Variants in ATP2B2 observed in about 807,000 individuals in gnomAD.
ATP2B2 encodes the protein ATPase plasma membrane Ca2+ transporting 2, also known as plasma membrane calcium-transporting ATPase 2.
In ATP2B2, 15 loss-of-function variants were observed where a neutral mutation model predicts 120.0. The observed-to-expected ratio is 0.12, with a 90% CI of 0.08 to 0.19. ATP2B2 has a LOEUF of 0.19. Among genes scored for constraint, ATP2B2 ranks in the 10% least tolerant of loss-of-function variants. The probability of loss-of-function intolerance (pLI) is 1.00; values close to 1 mark genes in which losing one functional copy is unlikely to be tolerated. For synonymous variants in ATP2B2, 694 were observed against 700.3 expected (o/e 0.99, Z 0.14); for missense variants, 1,045 against 1,719.8 (o/e 0.61, Z 6.94).
chr3:10,411,779 C>T (rs770047332), intron 2 of ATP2B2, among the ~76,000 whole-genome samples: 6 of 152,212 alleles, frequency 3.9e-5, no homozygotes, highest in African/African-American at 1.4e-4. Flanking sequence ...TGCCTTGCAA[C>T]GTGCTCGGAG....
intron 1 of ATP2B2, among the ~76,000 whole-genome samples, chr3:10,671,004 A>G (rs2071081094): frequency 6.6e-6 from 1 of 152,172 alleles, no homozygotes; most frequent in South Asian, 2.1e-4. Context: ...GGGAGGGTGT[A>G]TCAGATGACT....
intron 3 of ATP2B2, among the ~76,000 whole-genome samples, chr3:10,529,649 A>G (rs1437659453): frequency 6.6e-6 from 1 of 152,198 alleles, no homozygotes; most frequent in Non-Finnish European, 1.5e-5. Context: ...AATCATTATG[A>G]TAGGGATAAG....
intron 2 of ATP2B2, among the ~76,000 whole-genome samples, chr3:10,540,584 C>G (rs1559448602): frequency 6.6e-6 from 1 of 151,954 alleles, no homozygotes; most frequent in African/African-American, 2.4e-5. Flanking sequence ...ATGGACGAAG[C>G]TGGAAACCAT....
At chr3:10,640,612 G>C (rs561008999) in intron 1 of ATP2B2, among the ~76,000 whole-genome samples, 377 of 152,242 alleles carry the variant, frequency 2.5e-3, no homozygotes, top group African/African-American at 8.4e-3. Flanking sequence ...ACTTTTACTG[G>C]GATTCCCAGA....
chr3:10,624,823 G>A (rs965590042), intron 1 of ATP2B2, among the ~76,000 whole-genome samples: 3 of 152,184 alleles, frequency 2.0e-5, no homozygotes, highest in Admixed American at 6.5e-5. Context: ...ACTTTCTAAG[G>A]CAAAGCCCAA....
chr3:10,486,320 C>CGTGTGTGCGTGT (rs1049628903), intron 1 of ATP2B2, among the ~76,000 whole-genome samples: 1 of 115,816 alleles, frequency 8.6e-6, no homozygotes, highest in Non-Finnish European at 2.0e-5. Flanking sequence ...GGTGTGTGTG[C>CGTGTGTGCGTGT]GTGCGTGTGT....
chr3:10,604,701 G>T (rs1575547078), intron 2 of ATP2B2, among the ~76,000 whole-genome samples: 1 of 152,326 alleles, frequency 6.6e-6, no homozygotes, highest in East Asian at 1.9e-4. Flanking sequence ...AAACTTGGAA[G>T]ACCAGGTAAC....
chr3:10,599,957 G>A (rs1016724884), intron 2 of ATP2B2, among the ~76,000 whole-genome samples: 2 of 152,244 alleles, frequency 1.3e-5, no homozygotes, highest in Non-Finnish European at 2.9e-5. Flanking sequence ...AGAACCAAGG[G>A]GAAGGTGGGA....
chr3:10,353,997 A>G (rs2060645772), intron 14 of ATP2B2, among the ~76,000 whole-genome samples: 1 of 152,220 alleles, frequency 6.6e-6, no homozygotes, highest in South Asian at 2.1e-4. Flanking sequence ...CATAAATGCA[A>G]CAGGGCATTC....
At chr3:10,596,064 G>A (rs2125584767) in intron 2 of ATP2B2, among the ~76,000 whole-genome samples, 1 of 152,164 alleles carries the variant, frequency 6.6e-6, no homozygotes, top group Admixed American at 6.5e-5. Context: ...CAGCTCAAAG[G>A]TCCCCTCTGC....
chr3:10,485,251 T>C (rs530773400), intron 1 of ATP2B2, among the ~76,000 whole-genome samples: 1 of 152,340 alleles, frequency 6.6e-6, no homozygotes, highest in South Asian at 2.1e-4. Context: ...GGTTTTCTCA[T>C]TGAAGTCCTG....
chr3:10,371,124 G>A (rs2061228486), intron 12 of ATP2B2, among the ~76,000 whole-genome samples: 1 of 152,228 alleles, frequency 6.6e-6, no homozygotes, highest in Admixed American at 6.5e-5. Flanking sequence ...TTACCACTGT[G>A]TGAATCTGGG....
At chr3:10,520,718 A>C (rs2066967797) in intron 3 of ATP2B2, among the ~76,000 whole-genome samples, 1 of 149,430 alleles carries the variant, frequency 6.7e-6, no homozygotes, top group African/African-American at 2.5e-5. Context: ...GGCCTCCCAA[A>C]GTGCTAGGAT....
chr3:10,494,019 G>A (rs529784112), intron 1 of ATP2B2, among the ~76,000 whole-genome samples: 1 of 152,180 alleles, frequency 6.6e-6, no homozygotes, highest in African/African-American at 2.4e-5. Context: ...AGGTAGGGTG[G>A]GGACAGGCAC....
chr3:10,584,110 G>C (rs547404016), intron 2 of ATP2B2, among the ~76,000 whole-genome samples: 1 of 152,166 alleles, frequency 6.6e-6, no homozygotes, highest in Non-Finnish European at 1.5e-5. Context: ...GCGAGGAAGA[G>C]AGCTTTCCGC....
At chr3:10,564,701 A>C (rs2067975008) in intron 2 of ATP2B2, among the ~76,000 whole-genome samples, 1 of 152,184 alleles carries the variant, frequency 6.6e-6, no homozygotes, top group Non-Finnish European at 1.5e-5. Context: ...CACACCCTTT[A>C]GGAATGATGG....
chr3:10,400,700 G>A (rs1271572629), intron 5 of ATP2B2, among the ~76,000 whole-genome samples: 4 of 152,222 alleles, frequency 2.6e-5, no homozygotes, highest in Non-Finnish European at 4.4e-5. Flanking sequence ...GAAGGCCAAT[G>A]CCATGAGGGC....
intron 1 of ATP2B2, among the ~76,000 whole-genome samples, chr3:10,484,580 G>T (rs774304885): frequency 6.6e-5 from 10 of 152,070 alleles, no homozygotes; most frequent in Admixed American, 3.9e-4. Context: ...CCCATGCTGC[G>T]TTTTCACTCC....
chr3:10,397,822 G>T (rs539355013), intron 5 of ATP2B2, among the ~76,000 whole-genome samples: 34 of 152,322 alleles, frequency 2.2e-4, no homozygotes, highest in African/African-American at 7.2e-4. Flanking sequence ...CTCATAGACA[G>T]TCGGTGACGG....
Sources: allele counts gnomAD v4.1 joint callset (sites outside exome capture counted in the v4.1 genomes callset), GRCh38; gene constraint gnomAD v4.1.1; transcripts MANE v1.5; gene names NCBI Gene and HGNC (gene_info 2026-07-23, HGNC 2026-07-21).